The following ZNF658 variants were observed in gnomAD, a reference collection of about 807,000 sequenced individuals.
ZNF658 encodes zinc finger protein 658.
ZNF658 carries 46 observed loss-of-function variants against 78.0 expected under a neutral mutation model. That is an observed-to-expected ratio of 0.59 (90% confidence interval 0.47 to 0.75). The LOEUF is 0.75. Among genes scored for constraint, ZNF658 ranks in the 30% least tolerant of loss-of-function variants. The pLI, the probability that ZNF658 is intolerant of heterozygous loss-of-function variation, is 0.00. For missense variants in ZNF658, 785 were observed against 1,189.3 expected, an observed-to-expected ratio of 0.66 and a Z score of 5.00; for synonymous variants, 279 against 408.4, an observed-to-expected ratio of 0.68 and a Z score of 3.82.
chr9:66,916,272 A>C (rs1387156655), intron 4 of ZNF658, among the ~76,000 whole-genome samples: 6 of 152,182 alleles, frequency 3.9e-5, no homozygotes, highest in Non-Finnish European at 7.3e-5. Context: ...TTTTGTTTAC[A>C]TTCACTTCAA....
Position 66,931,491 on chromosome 9 carries a change from C to A in ZNF658, c.*55-534C>A, listed in dbSNP as rs182358196. ...CCTGGGAACGTTTATCTATGTAGAA[C>A]CATATATCTAGTAGAACCATAGAAC... is the stretch of plus-strand genomic sequence containing the variant. On this transcript the variant is annotated intron_variant and NMD_transcript_variant, in intron 6 of 6. Coordinates refer to the ZNF658 transcript ENST00000622180. 4.9e-3 allele frequency among the ~76,000 whole-genome samples: 739 copies of A among 152,092 alleles called. 24 individuals carry two copies. The East Asian group carries it at 0.12, about 24-fold the overall frequency.
At position 66,918,527 on chromosome 9, in the gene ZNF658, G is replaced by A. The variant is rs766015316; in HGVS notation, c.961G>A (p.Gly321Arg). The A allele has an allele frequency of 4.4e-6, 7 of 1,606,388 alleles. No individual in the cohort carries two copies. Among genetic ancestry groups the A allele is most frequent in the Non-Finnish European group, 6.0e-6 (7 of 1,174,164 alleles). The change falls in exon 5 of 5, where the codon GGA becomes AGA. Residue 321 changes from glycine to arginine, a missense_variant. Physicochemically the swap from Gly to Arg is moderately radical, Grantham distance 125. This residue lies in a region of ZNF658 where 393 missense variants were observed against 400.2 expected (regional missense o/e 0.98). Coordinates refer to ENST00000621410, the MANE Select transcript of ZNF658 (RefSeq NM_033160.7). Reference protein sequence around the residue: ...PLTQSQRTITGWSAFESNKCE... With the variant: ...PLTQSQRTITRWSAFESNKCE... The stretch of plus-strand genomic sequence containing the variant: ...CACTCAATCTCAGAGAACTATTACA[G>A]GATGGAGTGCTTTTGAAAGCAATAA...
Position 66,915,142 on chromosome 9 carries a change from A to G in ZNF658, c.239-2663A>G, listed in dbSNP as rs1024887412. Among the ~76,000 whole-genome samples the G allele has an allele frequency of 3.3e-5, 5 of 152,216 alleles. No homozygotes were observed. In the South Asian group the frequency reaches 1.0e-3, roughly 32 times the overall value. On this transcript the variant is annotated intron_variant, in intron 4 of 4. Coordinates refer to ENST00000621410, the MANE Select transcript of ZNF658 (RefSeq NM_033160.7). ...CATTACATTCTTAAGCCTTATTTAC[A>G]TATGCAAACATAGTTAAAATTTGAG...
intron 4 of ZNF658, among the ~76,000 whole-genome samples, chr9:66,913,460 T>A (rs1822262010): frequency 6.6e-6 from 1 of 151,358 alleles, no homozygotes; most frequent in Non-Finnish European, 1.5e-5. Flanking sequence ...AAGCCTCCTC[T>A]TCCACCCCCA....
At position 66,900,747 on chromosome 9, in the gene ZNF658, C is replaced by G. The variant is rs908024742; in HGVS notation, c.-134C>G. 3 of 152,318 alleles carry G rather than the reference C, an allele frequency of 2.0e-5. No homozygotes were observed. The highest frequency in any genetic ancestry group is 4.4e-5 in the Non-Finnish European group (3 of 68,082). 9.4% of individuals were successfully genotyped at this position (152,318 alleles called of 1,614,324 possible). A position where few individuals can be genotyped will look rare whatever the true frequency, so the allele number is the denominator to read the frequency against. ...GCTCTGCGCATGTGTAAACCCAGCC[C>G]CACCTCCTGCCGTCTGCCCTCCCGG... is the stretch of plus-strand genomic sequence containing the variant. On this transcript the variant is annotated 5_prime_UTR_variant, in exon 1 of 5. Transcript: ENST00000621410.
At chr9:66,930,329 AG>A (rs1822628488) in intron 6 of ZNF658, among the ~76,000 whole-genome samples, 1 of 145,382 alleles carries the variant, frequency 6.9e-6, no homozygotes, top group South Asian at 2.4e-4. Flanking sequence ...CACAAACACT[AG>A]GTGCTAGAAA....
intron 6 of ZNF658, among the ~76,000 whole-genome samples, chr9:66,929,483 A>G (rs1318026999): frequency 6.7e-6 from 1 of 149,382 alleles, no homozygotes; most frequent in Admixed American, 6.7e-5. Flanking sequence ...CCTAAAATGT[A>G]TAGACAGCCT....
chr9:66,926,044 T>C (rs1364151477), downstream of ZNF658, among the ~76,000 whole-genome samples: 1 of 134,716 alleles, frequency 7.4e-6, no homozygotes, highest in Non-Finnish European at 1.6e-5. Context: ...CACTTTTTCA[T>C]GTTAGAAACT....
chr9:66,907,415 T>G (rs1223178069), intron 2 of ZNF658, among the ~76,000 whole-genome samples: 1 of 152,142 alleles, frequency 6.6e-6, no homozygotes, highest in Non-Finnish European at 1.5e-5. Context: ...ACTTTATTTT[T>G]CATTCTAGTC....
rs1286251561 is a variant in ZNF658 at position 66,910,248 on chromosome 9, C to A, written c.238+1514C>A. Reference sequence around the variant, plus strand: ...GGCATCTTTTTATATGCCTATTAGGCTTTGTACGAATAAATGATTCCAGAA... The same window carrying A: ...GGCATCTTTTTATATGCCTATTAGGATTTGTACGAATAAATGATTCCAGAA... On this transcript the variant is annotated intron_variant, in intron 4 of 4. Transcript: ENST00000621410. 2.6e-5 allele frequency among the ~76,000 whole-genome samples: 4 copies of A among 152,200 alleles called. No individual in the cohort carries two copies. In the East Asian group the frequency reaches 7.7e-4, roughly 29 times the overall value.
At chr9:66,930,350 T>C (rs965092669) in intron 6 of ZNF658, among the ~76,000 whole-genome samples, 1 of 144,982 alleles carries the variant, frequency 6.9e-6, no homozygotes, top group Non-Finnish European at 1.5e-5. Flanking sequence ...AACCCTCCAC[T>C]CAGAATAGTG....
Position 66,908,215 on chromosome 9 carries a change from T to C in ZNF658, c.16-23T>C, listed in dbSNP as rs553068358. The C allele has an allele frequency of 2.2e-5, 35 of 1,613,880 alleles. 1 individual carries two copies. The South Asian group carries it at 3.7e-4, about 17-fold the overall frequency. On this transcript the variant is annotated intron_variant, in intron 2 of 4. Transcript: ENST00000621410. Reference sequence around the variant, plus strand: ...CCCTTGAACAAACCATTGTTATATTTGTTGTGATAAATGTTGTTACAGGCA... The same window carrying C: ...CCCTTGAACAAACCATTGTTATATTCGTTGTGATAAATGTTGTTACAGGCA...
In ZNF658 at chr9:66,910,624, C is replaced by T. The variant is rs1227502017; in HGVS notation, c.238+1890C>T. On this transcript the variant is annotated intron_variant, in intron 4 of 4. Coordinates refer to ENST00000621410, the MANE Select transcript of ZNF658 (RefSeq NM_033160.7). ...GAGATGGAGACCATCCTGGCTAACACGGTGAAACCCTGTCTCTACTAAAAA... is the reference window on the plus strand; with the variant it reads ...GAGATGGAGACCATCCTGGCTAACATGGTGAAACCCTGTCTCTACTAAAAA... Among the ~76,000 whole-genome samples, 30 of 151,922 alleles carry T rather than the reference C, an allele frequency of 2.0e-4. 1 individual carries two copies. In the South Asian group the frequency reaches 2.3e-3, roughly 12 times the overall value.
chr9:66,914,525 T>C (rs569291071), intron 4 of ZNF658, among the ~76,000 whole-genome samples: 1,552 of 152,188 alleles, frequency 0.01, 19 homozygotes, highest in African/African-American at 0.036. Context: ...TTTGTCTTTT[T>C]CCTGATCTTA....
At position 66,919,515 on chromosome 9, in the gene ZNF658, G is replaced by A; in HGVS notation, c.1949G>A (p.Arg650Lys). ...ATTTCTGTTCTCAAGGCACATCAAA[G>A]AATTCACACAGGGGAGAAACCCTAT... ...AHISVLKAHQ[R>K]IHTGEKPYEC... is the part of the protein sequence containing the mutation. Residue 650 changes from arginine (R) to lysine (K), a missense_variant, in exon 5 of 5, where the codon AGA (arginine) becomes AAA (lysine). Arg to Lys is a conservative substitution (Grantham distance 26, BLOSUM62 2). Around this residue, in one of 12 missense-constraint regions of ZNF658, gnomAD observed 75 missense variants for 147.1 expected, o/e 0.51. Transcript: ENST00000621410. The A allele has an allele frequency of 6.2e-6, 10 of 1,611,526 alleles. No homozygotes were observed. Among genetic ancestry groups the A allele is most frequent in the Non-Finnish European group, 8.5e-6 (10 of 1,178,776 alleles).
intron 6 of ZNF658, among the ~76,000 whole-genome samples, chr9:66,929,857 C>T (rs1222334428): frequency 5.4e-5 from 7 of 129,354 alleles, no homozygotes; most frequent in Admixed American, 1.7e-4. Flanking sequence ...GATCTCGGCT[C>T]GCTGCAACCT....
chr9:66,927,100 C>G (rs1220011700), intron 6 of ZNF658, among the ~76,000 whole-genome samples: 1 of 152,028 alleles, frequency 6.6e-6, no homozygotes, highest in African/African-American at 2.4e-5. Context: ...TGTAAAGCTT[C>G]TATAAGAAAA....
intron 4 of ZNF658, among the ~76,000 whole-genome samples, chr9:66,910,198 A>G (rs1822181203): frequency 1.3e-5 from 2 of 152,140 alleles, no homozygotes; most frequent in South Asian, 2.1e-4. Context: ...GTCTATAACA[A>G]TTTCCCTGGT....
intron 6 of ZNF658, among the ~76,000 whole-genome samples, chr9:66,931,408 T>A (rs1466978902): frequency 1.3e-5 from 2 of 152,176 alleles, no homozygotes; most frequent in Non-Finnish European, 2.9e-5. Context: ...TGCAGCTATG[T>A]CTAGCATATT....
Sources: allele counts gnomAD v4.1 joint callset (sites outside exome capture counted in the v4.1 genomes callset), GRCh38; gene constraint gnomAD v4.1.1; regional missense constraint gnomAD v4.1.1; transcripts MANE v1.5; gene names NCBI Gene and HGNC (gene_info 2026-07-23, HGNC 2026-07-21).